The following PRKCZ variants were observed in gnomAD, a reference collection of about 807,000 sequenced individuals.
PRKCZ encodes protein kinase C zeta, also known as protein kinase C zeta type.
PRKCZ carries 33 observed loss-of-function variants against 79.5 expected under a neutral mutation model. The ratio of observed to expected loss-of-function variants is 0.41; its 90% CI spans 0.31 to 0.55. The LOEUF is 0.55. Ranked by LOEUF, PRKCZ falls within the 20% of genes least tolerant of loss-of-function variation. The probability of loss-of-function intolerance (pLI) is 0.19; values close to 1 mark genes in which losing one functional copy is unlikely to be tolerated. For missense variants in PRKCZ, 578 were observed against 813.5 expected (o/e 0.71, Z 3.52); for synonymous variants, 342 against 320.9 (o/e 1.07, Z -0.70).
intron 9 of PRKCZ, among the ~76,000 whole-genome samples, chr1:2,155,326 T>C (rs1395565786): frequency 6.6e-6 from 1 of 151,674 alleles, no homozygotes; most frequent in Non-Finnish European, 1.5e-5. Flanking sequence ...ACAGTGATGA[T>C]GGTAGTGGTG....
intron 9 of PRKCZ, among the ~76,000 whole-genome samples, chr1:2,154,106 T>C (rs964904176): frequency 2.0e-5 from 3 of 152,032 alleles, no homozygotes; most frequent in Non-Finnish European, 4.4e-5. Flanking sequence ...AGTGGGTGGG[T>C]GCTGCTGGTG....
At chr1:2,073,175 G>C (rs916565567) in intron 4 of PRKCZ, among the ~76,000 whole-genome samples, 1 of 152,114 alleles carries the variant, frequency 6.6e-6, no homozygotes, top group Non-Finnish European at 1.5e-5. Context: ...CTTAGGCTGA[G>C]GGTGTGCGTT....
At chr1:2,079,723 T>C (rs961423850) in intron 4 of PRKCZ, among the ~76,000 whole-genome samples, 1 of 152,210 alleles carries the variant, frequency 6.6e-6, no homozygotes, top group Non-Finnish European at 1.5e-5. Flanking sequence ...TTTGGTGTTT[T>C]CTTTGGCCTC....
chr1:2,114,298 G>A (rs546832589), intron 4 of PRKCZ, among the ~76,000 whole-genome samples: 1 of 152,300 alleles, frequency 6.6e-6, no homozygotes, highest in Admixed American at 6.5e-5. Flanking sequence ...TGTCCAATGA[G>A]GGAAGGAACA....
At chr1:2,057,985 A>C (rs1183914082) in intron 3 of PRKCZ, among the ~76,000 whole-genome samples, 1 of 151,858 alleles carries the variant, frequency 6.6e-6, no homozygotes, top group Non-Finnish European at 1.5e-5. Context: ...CTTCTGCCTC[A>C]CCCTCCCAAG....
rs1666323078 is a variant in PRKCZ at position 2,095,620 on chromosome 1, A to G, written c.334+36029A>G. 2.0e-5 allele frequency among the ~76,000 whole-genome samples: 3 copies of G among 151,874 alleles called. No homozygotes were observed. In the South Asian group the frequency reaches 6.2e-4, roughly 32 times the overall value. On this transcript the variant is annotated intron_variant, in intron 4 of 17. Coordinates refer to ENST00000378567, the MANE Select transcript of PRKCZ (RefSeq NM_002744.6). ...TGGGTGGTGCCGGCCGGCTGTGCCC[A>G]AAGTCATGCCCTGCCCCTGTCTCCC...
At chr1:2,048,664 GCC>G (rs1659425100), upstream of PRKCZ, among the ~76,000 whole-genome samples, 1 of 152,200 alleles carries the variant, frequency 6.6e-6, no homozygotes, top group Non-Finnish European at 1.5e-5. Flanking sequence ...TTAGGAGGAT[GCC>G]TGGGGCTGGG....
chr1:2,074,194 T>C, intron 4 of PRKCZ: 1 of 1,550,252 alleles, frequency 6.5e-7, no homozygotes, highest in Non-Finnish European at 8.7e-7. Context: ...GGTGACAGAT[T>C]TTTAGAAAAA....
At chr1:2,072,620 T>A (rs1433056770) in intron 4 of PRKCZ, among the ~76,000 whole-genome samples, 1 of 152,038 alleles carries the variant, frequency 6.6e-6, no homozygotes. Context: ...TGGGGGCCCG[T>A]GTAGGAGGTG....
chr1:2,101,514 CTTTCG>C (rs1276406532), intron 4 of PRKCZ, among the ~76,000 whole-genome samples: 4 of 152,198 alleles, frequency 2.6e-5, no homozygotes, highest in African/African-American at 9.7e-5. Context: ...TGTTCCATTT[CTTTCG>C]TTCATTCATT....
intron 4 of PRKCZ, among the ~76,000 whole-genome samples, chr1:2,068,623 A>G (rs1045967570): frequency 2.6e-5 from 4 of 152,196 alleles, no homozygotes; most frequent in South Asian, 2.1e-4. Context: ...GGAGTAGGAC[A>G]TGGACTTGTC....
Position 2,174,544 on chromosome 1 carries a change from C to T in PRKCZ, c.1406-210C>T, listed in dbSNP as rs559312775. ...GGGGAGCTGCTGGTTCACGTCCGATCCTACGACACGTGCCAGCGCATGTAA... is the reference window on the plus strand; with the variant it reads ...GGGGAGCTGCTGGTTCACGTCCGATTCTACGACACGTGCCAGCGCATGTAA... On this transcript the variant is annotated intron_variant, in intron 14 of 17. Transcript: ENST00000378567. The surrounding 1 kb of genome is among the most constrained non-coding windows in gnomAD (Gnocchi z 6.2). Among the ~76,000 whole-genome samples the T allele has an allele frequency of 6.6e-6, 1 of 152,254 alleles. No individual in the cohort carries two copies. The highest frequency in any genetic ancestry group is 1.5e-5 in the Non-Finnish European group (1 of 68,042).
chr1:2,115,838 C>T (rs1670649578), intron 4 of PRKCZ, among the ~76,000 whole-genome samples: 1 of 152,198 alleles, frequency 6.6e-6, no homozygotes, highest in African/African-American at 2.4e-5. Flanking sequence ...CCCTCCAGCA[C>T]CTTGGTATAT....
At chr1:2,059,793 C>T (rs1351342533) in intron 4 of PRKCZ, among the ~76,000 whole-genome samples, 1 of 152,180 alleles carries the variant, frequency 6.6e-6, no homozygotes, top group Non-Finnish European at 1.5e-5. Context: ...CACCACATGG[C>T]GGGGGACTCG....
At chr1:2,130,422 G>C (rs1259419985) in intron 4 of PRKCZ, among the ~76,000 whole-genome samples, 1 of 152,176 alleles carries the variant, frequency 6.6e-6, no homozygotes, top group Non-Finnish European at 1.5e-5. Flanking sequence ...GACTCCGCAT[G>C]GGGGGCTGGG....
chr1:2,062,016 CACGCCAG>C lies in PRKCZ; in HGVS notation c.334+2427_334+2433del, dbSNP rs1660719752. 2.6e-5 allele frequency among the ~76,000 whole-genome samples: 4 copies of C among 152,174 alleles called. No homozygotes were observed. The South Asian group carries it at 6.2e-4, about 24-fold the overall frequency. On this transcript the variant is annotated intron_variant, in intron 4 of 17. Transcript: ENST00000378567. ...TGGGAGGTGTGTACAGTGGATGGAG[CACGCCAG>C]AGGCAGACGAGGGCAGGACTGCGGC... is the stretch of plus-strand genomic sequence containing the variant.
At chr1:2,180,664 C>T (rs923612461) in intron 16 of PRKCZ, among the ~76,000 whole-genome samples, 44 of 152,186 alleles carry the variant, frequency 2.9e-4, no homozygotes, top group African/African-American at 9.4e-4. Context: ...CATGGATGCA[C>T]GGACGACTCA....
chr1:2,142,997 C>CGGTTCACA (rs1677697560), intron 5 of PRKCZ: 1 of 150,434 alleles, frequency 6.6e-6, no homozygotes, highest in Non-Finnish European at 1.5e-5. Context: ...TCAGTGCAGG[C>CGGTTCACA]GGTTCACAGT....
chr1:2,119,686 G>T (rs1367650414), intron 4 of PRKCZ, among the ~76,000 whole-genome samples: 1 of 152,180 alleles, frequency 6.6e-6, no homozygotes, highest in Non-Finnish European at 1.5e-5. Flanking sequence ...CTTCCTGCAG[G>T]ACGGCGCTTA....
Sources: allele counts gnomAD v4.1 joint callset (sites outside exome capture counted in the v4.1 genomes callset), GRCh38; gene constraint gnomAD v4.1.1; non-coding constraint Gnocchi (gnomAD v3.1); transcripts MANE v1.5; gene names NCBI Gene and HGNC (gene_info 2026-07-23, HGNC 2026-07-21).